Variants in SGCD observed in about 807,000 individuals in gnomAD.
SGCD encodes the protein sarcoglycan delta.
In SGCD, 18 loss-of-function variants were observed where a neutral mutation model predicts 36.6. The observed-to-expected ratio is 0.49, with a 90% CI of 0.34 to 0.73. The LOEUF is 0.73. Ranked by LOEUF, SGCD falls within the 30% of genes least tolerant of loss-of-function variation. The pLI, the probability that SGCD is intolerant of heterozygous loss-of-function variation, is 0.01. For missense variants in SGCD, 387 were observed against 346.7 expected (o/e 1.12, Z -0.92); for synonymous variants, 133 against 130.6 (o/e 1.02, Z -0.12).
intron 3 of SGCD, among the ~76,000 whole-genome samples, chr5:156,186,812 C>T (rs546922657): frequency 1.3e-4 from 20 of 152,276 alleles, no homozygotes; most frequent in African/African-American, 4.3e-4. Context: ...CTTTTCCTCC[C>T]AATAAGGAAT....
At chr5:156,451,067 CCCCTT>C (rs1453179380) in intron 3 of SGCD, among the ~76,000 whole-genome samples, 1 of 146,138 alleles carries the variant, frequency 6.8e-6, no homozygotes, top group Non-Finnish European at 1.5e-5. Context: ...CCCTTCCCCT[CCCCTT>C]GCCTCTCCTC....
intron 1 of SGCD, among the ~76,000 whole-genome samples, chr5:155,964,563 C>T (rs1399684944): frequency 6.6e-6 from 1 of 152,066 alleles, no homozygotes; most frequent in Admixed American, 6.6e-5. Context: ...GTCTTGAACT[C>T]CTGACCTCAA....
In SGCD at chr5:156,753,060, A is replaced by C. The variant is rs1757207524; in HGVS notation, c.576-4521A>C. 2.0e-5 allele frequency among the ~76,000 whole-genome samples: 3 copies of C among 152,120 alleles called. No individual in the cohort carries two copies. The South Asian group carries it at 6.2e-4, about 32-fold the overall frequency. On this transcript the variant is annotated intron_variant, in intron 7 of 8. Coordinates refer to ENST00000337851, the MANE Select transcript of SGCD (RefSeq NM_000337.6). ...AGTGTGGCCCGCCGAAACAAGCAGC[A>C]TCAGCATCACCTGGGAACTTGTTAC...
intron 6 of SGCD, among the ~76,000 whole-genome samples, chr5:156,597,082 G>A (rs1760956928): frequency 6.6e-6 from 1 of 152,146 alleles, no homozygotes. Flanking sequence ...AGTGGTTTAT[G>A]TGTGGCATGA....
intron 3 of SGCD, among the ~76,000 whole-genome samples, chr5:156,298,756 T>C (rs1441431650): frequency 6.6e-6 from 1 of 151,996 alleles, no homozygotes; most frequent in East Asian, 1.9e-4. Context: ...CTTTGAGAAA[T>C]GTCTATTCAG....
At chr5:156,094,324 G>C (rs768990043) in intron 1 of SGCD, among the ~76,000 whole-genome samples, 3 of 152,276 alleles carry the variant, frequency 2.0e-5, no homozygotes, top group Non-Finnish European at 2.9e-5. Flanking sequence ...TTTTAAAAGG[G>C]TGAGATCTTC....
At chr5:155,728,569 AAGC>A in the SGCD span, among the ~76,000 whole-genome samples, 1 of 152,108 alleles carries the variant, frequency 6.6e-6, no homozygotes, top group African/African-American at 2.4e-5. Context: ...TGGGGGCTCT[AAGC>A]AGCGCGATGC....
chr5:156,613,923 C>G (rs568504844), intron 6 of SGCD, among the ~76,000 whole-genome samples: 5 of 152,096 alleles, frequency 3.3e-5, no homozygotes, highest in Non-Finnish European at 5.9e-5. Context: ...TCACAACAAC[C>G]CTATTAGGAG....
At chr5:156,408,178 A>G (rs1772523718) in intron 3 of SGCD, among the ~76,000 whole-genome samples, 1 of 152,146 alleles carries the variant, frequency 6.6e-6, no homozygotes. Flanking sequence ...TTTCATCTTG[A>G]AGTATGAGTG....
chr5:155,915,816 G>A (rs533878109), intron 1 of SGCD, among the ~76,000 whole-genome samples: 4 of 152,268 alleles, frequency 2.6e-5, no homozygotes, highest in African/African-American at 9.6e-5. Context: ...TTTCATATGT[G>A]TGACATTAAG....
chr5:156,393,461 T>C (rs1771687919), intron 3 of SGCD, among the ~76,000 whole-genome samples: 1 of 151,402 alleles, frequency 6.6e-6, no homozygotes, highest in Non-Finnish European at 1.5e-5. Context: ...TAAAAGATAA[T>C]AAATACTCAA....
At chr5:155,802,195 T>A in the SGCD span, among the ~76,000 whole-genome samples, 1 of 152,144 alleles carries the variant, frequency 6.6e-6, no homozygotes, top group Non-Finnish European at 1.5e-5. Context: ...GAAGACTGTT[T>A]GAAGCAGCCA....
chr5:156,622,067 C>A (rs1054047848), intron 6 of SGCD, among the ~76,000 whole-genome samples: 1 of 152,104 alleles, frequency 6.6e-6, no homozygotes, highest in Non-Finnish European at 1.5e-5. Flanking sequence ...AGATAAAATT[C>A]ACATACACAA....
chr5:156,073,742 A>C (rs1760669070), intron 1 of SGCD, among the ~76,000 whole-genome samples: 1 of 152,208 alleles, frequency 6.6e-6, no homozygotes, highest in Non-Finnish European at 1.5e-5. Flanking sequence ...ATCAGCAGAA[A>C]GATATAATAC....
At chr5:156,701,970 C>T (rs971064559) in intron 7 of SGCD, among the ~76,000 whole-genome samples, 1 of 152,038 alleles carries the variant, frequency 6.6e-6, no homozygotes, top group Non-Finnish European at 1.5e-5. Context: ...TCAGAAAATC[C>T]ATAGAACCAA....
At chr5:156,403,492 T>C (rs1772261006) in intron 3 of SGCD, among the ~76,000 whole-genome samples, 1 of 152,172 alleles carries the variant, frequency 6.6e-6, no homozygotes. Context: ...CTCGCCGAGA[T>C]GATTGTAATG....
chr5:156,105,957 A>C (rs762258798), intron 1 of SGCD, among the ~76,000 whole-genome samples: 12 of 151,726 alleles, frequency 7.9e-5, no homozygotes, highest in African/African-American at 2.9e-4. Context: ...CTAAAAATAC[A>C]AAAATTAGCT....
chr5:155,908,991 T>A (rs547169603), intron 1 of SGCD, among the ~76,000 whole-genome samples: 14 of 152,226 alleles, frequency 9.2e-5, no homozygotes. Flanking sequence ...TGATGATAAA[T>A]CACTAGTGGC....
chr5:156,370,158 A>G (rs1312549128), intron 3 of SGCD, among the ~76,000 whole-genome samples: 1 of 152,192 alleles, frequency 6.6e-6, no homozygotes. Flanking sequence ...CCTTGAGAGA[A>G]TAATACTTTA....
Sources: gnomAD v4.1 joint callset for allele counts (sites outside exome capture counted in the v4.1 genomes callset) on GRCh38, gnomAD v4.1.1 for gene constraint, MANE v1.5 for transcripts, NCBI Gene and HGNC (gene_info 2026-07-23, HGNC 2026-07-21) for gene names.